The following LPCAT2 variants were observed in gnomAD, a reference collection of about 807,000 sequenced individuals.
LPCAT2 encodes the protein lysophosphatidylcholine acyltransferase 2.
In LPCAT2, 58 loss-of-function variants were observed where a neutral mutation model predicts 64.7. The observed-to-expected ratio is 0.90, with a 90% CI of 0.73 to 1.12. The LOEUF is 1.12. Among genes scored for constraint, LPCAT2 ranks in the 50% most tolerant of loss-of-function variants. LPCAT2 has a pLI of 0.00. For missense variants in LPCAT2, 579 were observed against 669.8 expected, an observed-to-expected ratio of 0.86 and a Z score of 1.50; for synonymous variants, 252 against 245.3, an observed-to-expected ratio of 1.03 and a Z score of -0.26.
chr16:55,544,558 T>C (rs1469289292), intron 8 of LPCAT2, among the ~76,000 whole-genome samples: 2 of 152,208 alleles, frequency 1.3e-5, no homozygotes, highest in Non-Finnish European at 2.9e-5. Flanking sequence ...GTAAAACACC[T>C]AGCATGATGC....
intron 11 of LPCAT2, among the ~76,000 whole-genome samples, chr16:55,552,047 C>T (rs986990603): frequency 3.9e-5 from 6 of 152,138 alleles, no homozygotes; most frequent in African/African-American, 1.4e-4. Flanking sequence ...TCAAGATACA[C>T]AACAGTTGAA....
intron 1 of LPCAT2, among the ~76,000 whole-genome samples, chr16:55,520,595 T>G (rs1301365424): frequency 6.6e-6 from 1 of 151,942 alleles, no homozygotes; most frequent in Non-Finnish European, 1.5e-5. Flanking sequence ...CTTACCGACA[T>G]AGACCAAATG....
At chr16:55,580,035 G>C (rs114492144) in intron 13 of LPCAT2, among the ~76,000 whole-genome samples, 81 of 152,298 alleles carry the variant, frequency 5.3e-4, no homozygotes, top group African/African-American at 1.6e-3. Flanking sequence ...TCTTGGGTTT[G>C]ATGTGGTCAT....
At chr16:55,534,626 T>G in intron 7 of LPCAT2, 149 bp downstream of exon 7, 1 of 441,498 alleles carries the variant, frequency 2.3e-6, no homozygotes. Flanking sequence ...GCCCTAAGTC[T>G]TATAACTGAT....
chr16:55,515,369 A>G (rs1289809188), intron 1 of LPCAT2, among the ~76,000 whole-genome samples: 1 of 152,188 alleles, frequency 6.6e-6, no homozygotes, highest in Non-Finnish European at 1.5e-5. Context: ...GACTGTCAAC[A>G]AAGAATTGTA....
At chr16:55,577,370 A>G (rs1439534171) in intron 12 of LPCAT2, among the ~76,000 whole-genome samples, 1 of 152,126 alleles carries the variant, frequency 6.6e-6, no homozygotes, top group African/African-American at 2.4e-5. Context: ...GTATTTGGTC[A>G]GAAGTAGAAA....
At chr16:55,577,460 G>A (rs1413729972) in intron 12 of LPCAT2, among the ~76,000 whole-genome samples, 3 of 152,076 alleles carry the variant, frequency 2.0e-5, no homozygotes, top group African/African-American at 7.2e-5. Context: ...GTGACCTTGG[G>A]AAAAGTTACT....
At chr16:55,574,572 A>G (rs540074163) in intron 11 of LPCAT2, 59 bp from the exon 12 acceptor site, 2 of 1,129,358 alleles carry the variant, frequency 1.8e-6, no homozygotes, top group Non-Finnish European at 2.7e-6. Flanking sequence ...ACCTTGTAGT[A>G]GGATTAATAG....
At position 55,534,444 on chromosome 16, in the gene LPCAT2, A is replaced by G; in HGVS notation, c.764A>G (p.Asp255Gly). ...GCTAAAATAATTTTGTTATTATAGG[A>G]TACTGTGACCTGGACATGGCAAGGA... ...PVLLRYPNKL[D>G]TVTWTWQGYT... The change falls in exon 7 of 14, where the codon GAT (aspartate) becomes GGT (glycine). Residue 255 changes from aspartate (D) to glycine (G), a missense_variant and splice_region_variant. Physicochemically the swap from Asp to Gly is moderately conservative, Grantham distance 94 (BLOSUM62 -1). Coordinates refer to ENST00000262134, the MANE Select transcript of LPCAT2 (RefSeq NM_017839.5). 1.3e-6 allele frequency: 2 copies of G among 1,530,916 alleles called. No homozygotes were observed. Among genetic ancestry groups the G allele is most frequent in the Non-Finnish European group, 1.8e-6 (2 of 1,117,932 alleles). 94.8% of individuals were successfully genotyped at this position (1,530,916 alleles called of 1,614,324 possible).
intron 11 of LPCAT2, among the ~76,000 whole-genome samples, chr16:55,562,632 T>C (rs556463136): frequency 1.7e-3 from 259 of 152,086 alleles, no homozygotes; most frequent in Middle Eastern, 6.8e-3. Context: ...GTAGTTCTAC[T>C]TGATTTTTGA....
chr16:55,512,835 C>T (rs1411190186), intron 1 of LPCAT2, among the ~76,000 whole-genome samples: 5 of 152,156 alleles, frequency 3.3e-5, no homozygotes, highest in Admixed American at 1.3e-4. Context: ...AAGGTGATAC[C>T]ATAGGAGAAA....
chr16:55,569,016 C>G (rs1188135050), intron 11 of LPCAT2, among the ~76,000 whole-genome samples: 2 of 152,156 alleles, frequency 1.3e-5, no homozygotes, highest in African/African-American at 2.4e-5. Context: ...TGCATTGTCT[C>G]TATCCCAGGC....
chr16:55,567,200 G>T lies in LPCAT2; in HGVS notation c.1216-7431G>T, dbSNP rs759954908. 28 of 1,613,820 alleles carry T rather than the reference G, an allele frequency of 1.7e-5. No homozygotes were observed. In the South Asian group the frequency reaches 3.0e-4, roughly 17 times the overall value. ...GCTTTGAAGAATTTAAGTATCTGTGGAACAACATCAAGAAATGGCAGTGTG... is the reference window on the plus strand; with the variant it reads ...GCTTTGAAGAATTTAAGTATCTGTGTAACAACATCAAGAAATGGCAGTGTG... On this transcript the variant is annotated intron_variant, in intron 11 of 13. Coordinates refer to ENST00000262134, the MANE Select transcript of LPCAT2 (RefSeq NM_017839.5).
intron 8 of LPCAT2, chr16:55,538,971 G>A (rs1263116135): frequency 6.6e-6 from 1 of 151,916 alleles, no homozygotes; most frequent in African/African-American, 2.4e-5. Flanking sequence ...AGCTGCTCAG[G>A]TAGTCTAGGC....
intron 13 of LPCAT2, among the ~76,000 whole-genome samples, chr16:55,580,773 C>T (rs535962103): frequency 5.3e-5 from 8 of 152,114 alleles, no homozygotes; most frequent in Non-Finnish European, 1.0e-4. Context: ...GGCGAGTGAG[C>T]ATTAGAGCCT....
At chr16:55,580,753 G>A (rs1223189133) in intron 13 of LPCAT2, among the ~76,000 whole-genome samples, 2 of 152,172 alleles carry the variant, frequency 1.3e-5, no homozygotes, top group African/African-American at 2.4e-5. Flanking sequence ...ACAGCAGGAG[G>A]TGAGTGGCAG....
chr16:55,576,150 G>T (rs1453607247), intron 12 of LPCAT2, among the ~76,000 whole-genome samples: 1 of 150,552 alleles, frequency 6.6e-6, no homozygotes, highest in Admixed American at 6.6e-5. Flanking sequence ...TGGGGAAGGG[G>T]AAGGGAAGAA....
intron 1 of LPCAT2, among the ~76,000 whole-genome samples, chr16:55,524,175 C>T (rs1286046304): frequency 6.6e-6 from 1 of 151,628 alleles, no homozygotes; most frequent in African/African-American, 2.4e-5. Context: ...TGGAAACAAC[C>T]CAAATGTTCA....
chr16:55,531,794 C>A (rs9937957), intron 4 of LPCAT2, 120 bp from the exon 5 acceptor site: 44,926 of 666,130 alleles, frequency 0.067, 2,188 homozygotes, highest in African/African-American at 0.17. Context: ...CAAATGTTAG[C>A]CTTTTATTTT....
Sources: gnomAD v4.1 joint callset for allele counts (sites outside exome capture counted in the v4.1 genomes callset) on GRCh38, gnomAD v4.1.1 for gene constraint, MANE v1.5 for transcripts, NCBI Gene and HGNC (gene_info 2026-07-23, HGNC 2026-07-21) for gene names.